The following BSN variants were observed in gnomAD, a reference collection of about 807,000 sequenced individuals.
BSN encodes the protein bassoon presynaptic cytomatrix protein, also known as protein bassoon.
A neutral mutation model predicts 264.8 loss-of-function variants in BSN; 57 were observed. That is an observed-to-expected ratio of 0.22 (90% confidence interval 0.17 to 0.27). BSN has a LOEUF of 0.27. Ranked by LOEUF, BSN falls within the 10% of genes least tolerant of loss-of-function variation. The pLI is 1.00. For missense variants in BSN, 4,615 were observed against 5,232.5 expected, an observed-to-expected ratio of 0.88 and a Z score of 3.64; for synonymous variants, 2,059 against 2,137.3, an observed-to-expected ratio of 0.96 and a Z score of 1.01.
intron 1 of BSN, among the ~76,000 whole-genome samples, chr3:49,592,469 G>C (rs1427174544): frequency 6.6e-6 from 1 of 150,896 alleles, no homozygotes; most frequent in Non-Finnish European, 1.5e-5. Flanking sequence ...ATAATACAGA[G>C]AGGGCCGGAC....
intron 1 of BSN, among the ~76,000 whole-genome samples, chr3:49,611,836 G>A (rs1002581785): frequency 6.6e-6 from 1 of 152,122 alleles, no homozygotes; most frequent in African/African-American, 2.4e-5. Context: ...AGATCATAGG[G>A]GGAGCTCCTC....
chr3:49,663,392 C>A lies in BSN; in HGVS notation c.11234C>A (p.Pro3745Gln). The change falls in exon 7 of 12, where the codon CCG becomes CAG. Residue 3745 changes from proline to glutamine, a missense_variant. Coordinates refer to ENST00000296452, the MANE Select transcript of BSN (RefSeq NM_003458.4). ...TCAAAGGCAGAACCCCAGGCGCAGC[C>A]GCAGCTGCAAGGTCGGCAGGCAGCT... ...LQSKAEPQAQ[P>Q]QLQGRQAAPG... 6.2e-7 allele frequency: 1 copy of A among 1,613,088 alleles called. No individual in the cohort carries two copies. The highest frequency in any genetic ancestry group is 2.2e-5 in the East Asian group (1 of 44,890).
intron 2 of BSN, among the ~76,000 whole-genome samples, chr3:49,626,156 C>A (rs928710553): frequency 6.6e-6 from 1 of 152,200 alleles, no homozygotes; most frequent in Non-Finnish European, 1.5e-5. Flanking sequence ...TGGGATGTCT[C>A]ACCAAATGAG....
rs549770120 is a variant in BSN, at chr3:49,668,601, C to T, written c.*1116C>T. The stretch of plus-strand genomic sequence containing the variant: ...AACCCCAGGGCGAGGTCTGGGGAGG[C>T]CTCCCAGCCCGCCTCTGTTTACTGT... On this transcript the variant is annotated 3_prime_UTR_variant, in exon 12 of 12. Coordinates refer to ENST00000296452, the MANE Select transcript of BSN (RefSeq NM_003458.4). The T allele has an allele frequency of 1.3e-5, 2 of 152,230 alleles. No homozygotes were observed. Among genetic ancestry groups the T allele is most frequent in the African/African-American group, 4.8e-5 (2 of 41,360 alleles). The allele number at this position is 152,230 out of a possible 1,614,324, so 9.4% of individuals were successfully genotyped here.
At chr3:49,666,176 G>A (rs2052712487) in intron 11 of BSN, among the ~76,000 whole-genome samples, 1 of 152,254 alleles carries the variant, frequency 6.6e-6, no homozygotes, top group Admixed American at 6.5e-5. Flanking sequence ...GCATGTATGT[G>A]TTATCCATGG....
At chr3:49,609,981 A>T (rs2052192276) in intron 1 of BSN, among the ~76,000 whole-genome samples, 1 of 152,180 alleles carries the variant, frequency 6.6e-6, no homozygotes, top group South Asian at 2.1e-4. Context: ...TTCCACAAAC[A>T]TTCACTGAGC....
At position 49,653,166 on chromosome 3, in the gene BSN, C is replaced by G. The variant is rs773429466; in HGVS notation, c.3610C>G (p.Gln1204Glu). The G allele has an allele frequency of 4.7e-5, 76 of 1,612,250 alleles. No homozygotes were observed. Among genetic ancestry groups the G allele is most frequent in the Non-Finnish European group, 6.1e-5 (72 of 1,179,714 alleles). Residue 1204 changes from glutamine to glutamate, a missense_variant, in exon 5 of 12, where the codon CAG becomes GAG. By Grantham distance (29) the Gln-to-Glu change is conservative. Coordinates refer to ENST00000296452, the MANE Select transcript of BSN (RefSeq NM_003458.4). The surrounding 1 kb of genome is among the most constrained non-coding windows in gnomAD (Gnocchi z 6.3). ...KAELLQRQQG[Q>E]AAGARGPHGG... is the part of the protein sequence containing the mutation. The stretch of plus-strand genomic sequence containing the variant: ...TGAGCTGCTCCAGAGGCAGCAAGGC[C>G]AGGCAGCAGGGGCCCGGGGACCCCA...
chr3:49,631,969 CATAGAGACATATAGACCA>C (rs2052386776), intron 2 of BSN, among the ~76,000 whole-genome samples: 1 of 152,198 alleles, frequency 6.6e-6, no homozygotes, highest in South Asian at 2.1e-4. Context: ...GTGGTACTGG[CATAGAGACATATAGACCA>C]ATAGAGTAGA....
Position 49,661,264 on chromosome 3 carries a change from C to T in BSN, c.9419C>T (p.Ala3140Val), listed in dbSNP as rs1292900260. The change falls in exon 6 of 12, where the codon GCC becomes GTC. Residue 3140 changes from alanine (A) to valine (V), a missense_variant. Coordinates refer to ENST00000296452, the MANE Select transcript of BSN (RefSeq NM_003458.4). ...TTTCCAGTCCCCGCTGATAGCCGTG[C>T]CCCACTGCAGAAGCCACGCCAGACA... Reference protein sequence around the residue: ...TLFPVPADSRAPLQKPRQTSL... With the variant: ...TLFPVPADSRVPLQKPRQTSL... The T allele has an allele frequency of 1.9e-6, 3 of 1,613,794 alleles. No individual in the cohort carries two copies. The highest frequency in any genetic ancestry group is 1.7e-6 in the Non-Finnish European group (2 of 1,180,050).
At position 49,651,716 on chromosome 3, in the gene BSN, C is replaced by G. The variant is rs1366074154; in HGVS notation, c.2160C>G (p.Ser720Arg). The change falls in exon 5 of 12, where the codon AGC becomes AGG. Residue 720 changes from serine to arginine, a missense_variant. By Grantham distance (110) the Ser-to-Arg change is moderately radical (BLOSUM62 -1). Transcript: ENST00000296452. The surrounding 1 kb of genome is among the most constrained non-coding windows in gnomAD (Gnocchi z 5.4). The part of the protein sequence containing the change: ...SAGVTGPHPP[S>R]PSEIHKVGSS... ...GGGTGACAGGGCCACATCCACCCAG[C>G]CCCTCCGAGATCCACAAGGTGGGGA... The G allele has an allele frequency of 2.0e-5, 33 of 1,613,030 alleles. No homozygotes were observed. The highest frequency in any genetic ancestry group is 2.6e-5 in the Non-Finnish European group (31 of 1,179,662).
Position 49,654,714 on chromosome 3 carries a change from G to A in BSN, c.5158G>A (p.Ala1720Thr), listed in dbSNP as rs770627396. The change falls in exon 5 of 12, where the codon GCC (alanine) becomes ACC (threonine). Residue 1720 changes from alanine (A) to threonine (T), a missense_variant. Ala to Thr is a moderately conservative substitution (Grantham distance 58). Transcript: ENST00000296452. This position sits in a 1 kb window ranked among gnomAD's most constrained non-coding sequence, Gnocchi z 4.1. ...GCAGCCCTTGGTTATCAACCTCAAT[G>A]CCCAGGAGCATACCTTCCTTGCTAC... ...AVQPLVINLN[A>T]QEHTFLATAT... 51 of 1,613,546 alleles carry A rather than the reference G, an allele frequency of 3.2e-5. 1 individual carries two copies. Among genetic ancestry groups the A allele is most frequent in the South Asian group, 1.1e-5 (1 of 91,068 alleles).
rs1272561049 is a variant in BSN, at chr3:49,654,894, G to C, written c.5338G>C (p.Ala1780Pro). The change falls in exon 5 of 12, where the codon GCT becomes CCT. Residue 1780 changes from alanine (A) to proline (P), a missense_variant. Around this residue, in one of 3 missense-constraint regions of BSN, gnomAD observed 3,415 missense variants for 3,866.4 expected, o/e 0.88. Transcript: ENST00000296452. The surrounding 1 kb of genome is among the most constrained non-coding windows in gnomAD (Gnocchi z 4.1). ...CLAQVKQVEQ[A>P]VQTAPYRSGP... ...GGCCCAGGTCAAACAAGTAGAGCAG[G>C]CTGTCCAGACAGCCCCATACCGAAG... The C allele has an allele frequency of 6.2e-7, 1 of 1,613,254 alleles. No homozygotes were observed. The highest frequency in any genetic ancestry group is 8.5e-7 in the Non-Finnish European group (1 of 1,179,894).
At chr3:49,571,002 A>G (rs1321597651) in intron 1 of BSN, among the ~76,000 whole-genome samples, 1 of 152,218 alleles carries the variant, frequency 6.6e-6, no homozygotes, top group Non-Finnish European at 1.5e-5. Flanking sequence ...AAAGTTTGGC[A>G]GGGAATGTGG....
Position 49,595,317 on chromosome 3 carries a change from C to T in BSN, c.225-29658C>T, listed in dbSNP as rs148221436. Reference sequence around the variant, plus strand: ...AAGCAATTCTCCTGCCTCAGCCTTCCGAGTAGCTGGGATTACAGGCATGCA... The same window carrying T: ...AAGCAATTCTCCTGCCTCAGCCTTCTGAGTAGCTGGGATTACAGGCATGCA... On this transcript the variant is annotated intron_variant, in intron 1 of 11. Coordinates refer to ENST00000296452, the MANE Select transcript of BSN (RefSeq NM_003458.4). Among the ~76,000 whole-genome samples, 860 of 152,014 alleles carry T rather than the reference C, an allele frequency of 5.7e-3. 3 individuals carry two copies. Among genetic ancestry groups the T allele is most frequent in the Non-Finnish European group, 8.3e-3 (564 of 67,978 alleles).
At chr3:49,615,709 G>A (rs1337097295) in intron 1 of BSN, among the ~76,000 whole-genome samples, 3 of 152,174 alleles carry the variant, frequency 2.0e-5, no homozygotes, top group Non-Finnish European at 4.4e-5. Context: ...ATTGCCGTCA[G>A]CACTGCAAAT....
Position 49,651,174 on chromosome 3 carries a change from G to A in BSN, c.1986+95G>A. On this transcript the variant is annotated intron_variant, in intron 4 of 11. Transcript: ENST00000296452. The surrounding 1 kb of genome is among the most constrained non-coding windows in gnomAD (Gnocchi z 5.4). ...TGGGTGGCTGAGGCTGTAGGCTCAG[G>A]ACAGGTGCCTTGGGGCCACACAGGA... 7.9e-7 allele frequency: 1 copy of A among 1,263,426 alleles called. No individual in the cohort carries two copies. The allele number at this position is 1,263,426 out of a possible 1,614,324, so 78.3% of individuals were successfully genotyped here.
At chr3:49,587,887 T>TTTTTCTTTTCTTTTTTCTTTTCTTTTC (rs2051947866) in intron 1 of BSN, among the ~76,000 whole-genome samples, 1 of 121,598 alleles carries the variant, frequency 8.2e-6, no homozygotes, top group Non-Finnish European at 1.7e-5. Flanking sequence ...AAAGTTGGGG[T>TTTTTCTTTTCTTTTTTCTTTTCTTTTC]TTTTCTTTTC....
intron 1 of BSN, among the ~76,000 whole-genome samples, chr3:49,617,810 T>C (rs2052273271): frequency 6.6e-6 from 1 of 152,118 alleles, no homozygotes; most frequent in Admixed American, 6.5e-5. Flanking sequence ...CCTGCCACGG[T>C]GGGCCCTTGT....
intron 1 of BSN, among the ~76,000 whole-genome samples, chr3:49,579,125 C>T (rs1225137600): frequency 6.6e-6 from 1 of 151,472 alleles, no homozygotes; most frequent in Non-Finnish European, 1.5e-5. Flanking sequence ...GCAGCTAGGA[C>T]TACAGGCATG....
Sources: gnomAD v4.1 joint callset for allele counts (sites outside exome capture counted in the v4.1 genomes callset) on GRCh38, gnomAD v4.1.1 for gene constraint, gnomAD v4.1.1 regional missense constraint, Gnocchi (gnomAD v3.1) non-coding constraint, MANE v1.5 for transcripts, NCBI Gene and HGNC (gene_info 2026-07-23, HGNC 2026-07-21) for gene names.